Variants in DMD observed in about 807,000 individuals in gnomAD.
DMD encodes the protein mutant dystrophin.
A neutral mutation model predicts 330.1 loss-of-function variants in DMD; 63 were observed. The observed-to-expected ratio is 0.19, with a 90% CI of 0.16 to 0.24. DMD has a LOEUF of 0.24. Among genes scored for constraint, DMD ranks in the 10% least tolerant of loss-of-function variants. The probability of loss-of-function intolerance (pLI) is 1.00; values close to 1 mark genes in which losing one functional copy is unlikely to be tolerated. For missense variants in DMD, 3,344 were observed against 2,684.1 expected (o/e 1.25, Z -5.43); for synonymous variants, 1,223 against 959.8 (o/e 1.27, Z -5.07).
chrX:31,622,866 AT>A (rs2078621368), intron 55 of DMD, among the ~76,000 whole-genome samples: 6 of 91,556 alleles, frequency 6.6e-5, no homozygotes, highest in Non-Finnish European at 1.3e-4. Context: ...ATATATATAT[AT>A]ATATATATAT....
intron 55 of DMD, among the ~76,000 whole-genome samples, chrX:31,544,897 G>A (rs1323303441): frequency 9.0e-6 from 1 of 110,934 alleles, no homozygotes; most frequent in African/African-American, 3.3e-5. Context: ...TTCTGACATA[G>A]CCCAAACTGT....
intron 41 of DMD, among the ~76,000 whole-genome samples, chrX:32,339,234 T>G (rs2097729758): frequency 9.0e-6 from 1 of 111,670 alleles, no homozygotes; most frequent in South Asian, 3.7e-4. Flanking sequence ...TATTCAAGGC[T>G]GTTTATCCAA....
intron 52 of DMD, among the ~76,000 whole-genome samples, chrX:31,683,357 T>C (rs762679395): frequency 3.1e-4 from 35 of 112,011 alleles, no homozygotes; most frequent in Non-Finnish European, 6.2e-4. Context: ...GCCTGTTAGA[T>C]AGTGGTGCTA....
chrX:32,990,441 C>A (rs1254519581), intron 2 of DMD, among the ~76,000 whole-genome samples: 1 of 111,451 alleles, frequency 9.0e-6, no homozygotes, highest in Non-Finnish European at 1.9e-5. Context: ...AGGATTCATT[C>A]AATTATTTCT....
At chrX:31,373,756 A>G (rs1208034491) in intron 60 of DMD, among the ~76,000 whole-genome samples, 1 of 111,134 alleles carries the variant, frequency 9.0e-6, no homozygotes, top group Non-Finnish European at 1.9e-5. Flanking sequence ...GGACATAGGC[A>G]TGGGCAAGGA....
At chrX:31,702,696 A>G (rs2083898114) in intron 52 of DMD, among the ~76,000 whole-genome samples, 1 of 110,726 alleles carries the variant, frequency 9.0e-6, no homozygotes, top group African/African-American at 3.3e-5. Context: ...GGGCCCTATT[A>G]AGGCTCTGAT....
intron 26 of DMD, among the ~76,000 whole-genome samples, chrX:32,449,215 C>T (rs779775059): frequency 9.0e-6 from 1 of 110,684 alleles, no homozygotes; most frequent in East Asian, 2.9e-4. Flanking sequence ...TGGCCTGACA[C>T]CCAGCTATGC....
intron 57 of DMD, among the ~76,000 whole-genome samples, chrX:31,481,760 G>A (rs142367248): frequency 0.014 from 1,603 of 111,553 alleles, 25 homozygotes; most frequent in African/African-American, 0.05. Flanking sequence ...TTCCTAAGCT[G>A]AACTCTATGT....
At chrX:32,136,722 T>C (rs971588064) in intron 44 of DMD, among the ~76,000 whole-genome samples, 1 of 112,185 alleles carries the variant, frequency 8.9e-6, no homozygotes, top group Non-Finnish European at 1.9e-5. Context: ...TCTCATGGTA[T>C]ACAAATTCTA....
At chrX:32,731,193 G>T (rs191815648) in intron 7 of DMD, among the ~76,000 whole-genome samples, 1 of 112,189 alleles carries the variant, frequency 8.9e-6, no homozygotes, top group Admixed American at 9.4e-5. Context: ...CGAATACTGC[G>T]TGTTTCCGAC....
intron 62 of DMD, among the ~76,000 whole-genome samples, chrX:31,323,303 A>G (rs1172358039): frequency 8.9e-6 from 1 of 112,003 alleles, no homozygotes; most frequent in Non-Finnish European, 1.9e-5. Flanking sequence ...GACTCCCACT[A>G]TCAATAAAAT....
intron 76 of DMD, among the ~76,000 whole-genome samples, chrX:31,140,783 T>A (rs113440066): frequency 6.5e-3 from 108 of 16,713 alleles, no homozygotes; most frequent in African/African-American, 0.012. Context: ...TTACTGATTG[T>A]TTGTTGCACA....
intron 7 of DMD, among the ~76,000 whole-genome samples, chrX:32,713,586 G>A (rs1430198983): frequency 9.0e-6 from 1 of 111,427 alleles, no homozygotes. Flanking sequence ...TCCTACTATT[G>A]CTCCTCTCTA....
intron 1 of DMD, among the ~76,000 whole-genome samples, chrX:33,310,218 G>T (rs370170043): frequency 4.5e-5 from 5 of 111,402 alleles, no homozygotes; most frequent in Admixed American, 1.9e-4. Context: ...AATTTATTCT[G>T]TATAAACCGT....
At chrX:31,989,229 A>G (rs1381210853) in intron 44 of DMD, among the ~76,000 whole-genome samples, 1 of 111,434 alleles carries the variant, frequency 9.0e-6, no homozygotes, top group Non-Finnish European at 1.9e-5. Context: ...CCTCATAAAC[A>G]CACCCAGAAT....
intron 2 of DMD, among the ~76,000 whole-genome samples, chrX:32,982,826 A>T (rs1454736199): frequency 8.9e-6 from 1 of 111,980 alleles, no homozygotes; most frequent in African/African-American, 3.2e-5. Context: ...CTAGGACAGG[A>T]TGGGTAGATG....
chrX:32,401,244 G>C (rs2098084207), intron 30 of DMD, among the ~76,000 whole-genome samples: 1 of 108,741 alleles, frequency 9.2e-6, no homozygotes, highest in South Asian at 4.1e-4. Context: ...TGACGAGTTA[G>C]TGGGTGCAGC....
At chrX:32,358,681 C>T (rs899621046) in intron 37 of DMD, among the ~76,000 whole-genome samples, 1 of 111,366 alleles carries the variant, frequency 9.0e-6, no homozygotes, top group African/African-American at 3.3e-5. Flanking sequence ...ATCTTTAAGG[C>T]TGGTCTTTGT....
chrX:33,300,153 T>C (rs1405286987), intron 1 of DMD, among the ~76,000 whole-genome samples: 1 of 112,423 alleles, frequency 8.9e-6, no homozygotes, highest in Non-Finnish European at 1.9e-5. Flanking sequence ...ATGAGTTTTA[T>C]CATTGCTTTT....
Sources: gnomAD v4.1 joint callset for allele counts (sites outside exome capture counted in the v4.1 genomes callset) on GRCh38, gnomAD v4.1.1 for gene constraint, MANE v1.5 for transcripts, NCBI Gene and HGNC (gene_info 2026-07-23, HGNC 2026-07-21) for gene names.